The following CTBP2 variants were observed in gnomAD, a reference collection of about 807,000 sequenced individuals.
CTBP2 encodes C-terminal binding protein 2, also known as C-terminal-binding protein 2.
CTBP2 carries 30 observed loss-of-function variants against 80.3 expected under a neutral mutation model. The observed-to-expected ratio is 0.37, with a 90% CI of 0.28 to 0.51. CTBP2 has a LOEUF of 0.51. CTBP2 is among the 20% of genes least tolerant of loss of function. CTBP2 has a pLI of 0.93. For synonymous variants in CTBP2, 594 were observed against 587.4 expected (o/e 1.01, Z -0.16); for missense variants, 1,212 against 1,375.3 (o/e 0.88, Z 1.88).
chr10:125,022,344 C>T (rs1410681803), intron 1 of CTBP2, among the ~76,000 whole-genome samples: 1 of 152,246 alleles, frequency 6.6e-6, no homozygotes, highest in Non-Finnish European at 1.5e-5. Flanking sequence ...CCTTTCCTGG[C>T]CCCCAGACCA....
intron 2 of CTBP2, among the ~76,000 whole-genome samples, chr10:125,093,823 G>A (rs183856596): frequency 2.0e-5 from 3 of 152,282 alleles, no homozygotes; most frequent in Admixed American, 6.5e-5. Flanking sequence ...ACCCTCCCAC[G>A]GCCTCGCTGG....
rs1385878637 is a variant in CTBP2, at chr10:125,066,597, G to A, written c.-101-27442C>T. Among the ~76,000 whole-genome samples, 2 of 152,140 alleles carry A rather than the reference G, an allele frequency of 1.3e-5. No homozygotes were observed. The highest frequency in any genetic ancestry group is 2.1e-4 in the South Asian group (1 of 4,830). On this transcript the variant is annotated intron_variant, in intron 2 of 10. Transcript: ENST00000337195. This position sits in a 1 kb window ranked among gnomAD's most constrained non-coding sequence, Gnocchi z 4.1. ...ATCTTTTCTGTTTGCACGACTCAAA[G>A]TCTGCCTGGTGGAGGAGGGTGACAC...
At chr10:125,036,671 GT>G (rs1564769491) in intron 3 of CTBP2, among the ~76,000 whole-genome samples, 1,486 of 6,114 alleles carry the variant, frequency 0.24, 8 homozygotes, top group Middle Eastern at 0.43. Context: ...TAGAGGGGGT[GT>G]GTGTGTGTGT....
intron 1 of CTBP2, among the ~76,000 whole-genome samples, chr10:125,007,795 C>G (rs1955428883): frequency 6.6e-6 from 1 of 152,194 alleles, no homozygotes; most frequent in African/African-American, 2.4e-5. Flanking sequence ...AACAGAAATT[C>G]TCATTATTTA....
chr10:125,131,786 T>G (rs1856232277), intron 1 of CTBP2, among the ~76,000 whole-genome samples: 1 of 152,138 alleles, frequency 6.6e-6, no homozygotes. Flanking sequence ...CTCTGCTGGA[T>G]TTTCCACATC....
chr10:125,150,793 A>G (rs1859700772), intron 1 of CTBP2, among the ~76,000 whole-genome samples: 1 of 149,826 alleles, frequency 6.7e-6, no homozygotes. Flanking sequence ...TTCCTGCTCT[A>G]GGATGTTTTA....
intron 1 of CTBP2, among the ~76,000 whole-genome samples, chr10:125,014,557 C>T (rs955560537): frequency 2.6e-5 from 4 of 152,258 alleles, no homozygotes; most frequent in Admixed American, 6.5e-5. Flanking sequence ...TCAATGCACA[C>T]GAGGTTGACC....
At chr10:125,049,331 C>T in intron 2 of CTBP2, among the ~76,000 whole-genome samples, 1 of 152,200 alleles carries the variant, frequency 6.6e-6, no homozygotes, top group Non-Finnish European at 1.5e-5. Context: ...GTCACAGCAG[C>T]AGGATACCAC....
At chr10:125,094,710 T>C (rs1002546160) in intron 2 of CTBP2, among the ~76,000 whole-genome samples, 2 of 152,118 alleles carry the variant, frequency 1.3e-5, no homozygotes. Context: ...CATTGTATGA[T>C]GCACAGGACA....
Position 124,994,455 on chromosome 10 carries a change from T to C in CTBP2, c.2400+14A>G, listed in dbSNP as rs1953181243. On this transcript the variant is annotated intron_variant, in intron 5 of 8. Coordinates refer to ENST00000309035, the MANE Select transcript of CTBP2 (RefSeq NM_022802.3). ...TTTCGACAGAAGCTTCCATGGCATC[T>C]ATTTTCAAATTACCTGCTTTATGGT... 1.2e-6 allele frequency: 2 copies of C among 1,612,856 alleles called. No individual in the cohort carries two copies. The highest frequency in any genetic ancestry group is 2.7e-5 in the African/African-American group (2 of 75,028).
At chr10:125,059,810 T>C (rs886376934) in intron 2 of CTBP2, among the ~76,000 whole-genome samples, 2 of 151,934 alleles carry the variant, frequency 1.3e-5, no homozygotes, top group African/African-American at 2.4e-5. Context: ...AGGCGGAATC[T>C]GTCAGCTTGT....
chr10:125,080,074 G>T (rs1051158178), intron 2 of CTBP2, among the ~76,000 whole-genome samples: 9 of 152,130 alleles, frequency 5.9e-5, no homozygotes, highest in South Asian at 4.2e-4. Context: ...GTATATTTAT[G>T]CACTTAATAT....
intron 2 of CTBP2, among the ~76,000 whole-genome samples, chr10:125,056,199 A>C (rs866944841): frequency 6.7e-6 from 1 of 148,836 alleles, no homozygotes; most frequent in South Asian, 2.1e-4. Flanking sequence ...AATAATAGTA[A>C]TAATAATAAT....
chr10:125,103,791 G>A (rs1284141567), intron 2 of CTBP2, among the ~76,000 whole-genome samples: 1 of 152,128 alleles, frequency 6.6e-6, no homozygotes, highest in Non-Finnish European at 1.5e-5. Flanking sequence ...CAAACCTGCA[G>A]TGTCCGGGAA....
At chr10:125,158,208 A>G (rs1401186682) in intron 1 of CTBP2, among the ~76,000 whole-genome samples, 1 of 152,228 alleles carries the variant, frequency 6.6e-6, no homozygotes, top group East Asian at 1.9e-4. Context: ...AAAGTACATG[A>G]AAACTACCCA....
At chr10:125,006,700 C>T (rs3781436) in intron 1 of CTBP2, among the ~76,000 whole-genome samples, 23,919 of 152,178 alleles carry the variant, frequency 0.16, 2,802 homozygotes, top group African/African-American at 0.32. Context: ...AGTTTTTAAC[C>T]TATTAGGATG....
At chr10:125,102,908 T>A (rs1403627377) in intron 2 of CTBP2, among the ~76,000 whole-genome samples, 1 of 152,194 alleles carries the variant, frequency 6.6e-6, no homozygotes, top group Non-Finnish European at 1.5e-5. Flanking sequence ...TGTAGTCAGG[T>A]TGGCTGAACC....
chr10:125,031,215 G>A (rs1472617927), upstream of CTBP2, among the ~76,000 whole-genome samples: 1 of 152,164 alleles, frequency 6.6e-6, no homozygotes, highest in Non-Finnish European at 1.5e-5. Context: ...TGGGCCGGGT[G>A]CCGTGGCTCA....
chr10:125,058,403 G>C (rs1964364417), intron 2 of CTBP2, among the ~76,000 whole-genome samples: 1 of 152,110 alleles, frequency 6.6e-6, no homozygotes, highest in Admixed American at 6.6e-5. Flanking sequence ...CTCTCCCCCT[G>C]AGTTTTGCCT....
Sources: gnomAD v4.1 joint callset for allele counts (sites outside exome capture counted in the v4.1 genomes callset) on GRCh38, gnomAD v4.1.1 for gene constraint, Gnocchi (gnomAD v3.1) non-coding constraint, MANE v1.5 for transcripts, NCBI Gene and HGNC (gene_info 2026-07-23, HGNC 2026-07-21) for gene names.